The following FRMD4A variants were observed in gnomAD, a reference collection of about 807,000 sequenced individuals.
FRMD4A encodes the protein FERM domain containing 4A, also known as FERM domain-containing protein 4A.
FRMD4A carries 29 observed loss-of-function variants against 129.1 expected under a neutral mutation model. The observed-to-expected ratio is 0.22, with a 90% confidence interval of 0.17 to 0.31. The LOEUF (loss-of-function observed/expected upper bound fraction) is 0.31, where lower values mean the gene tolerates loss of function less well. Among genes scored for constraint, FRMD4A ranks in the 10% least tolerant of loss-of-function variants. The pLI is 1.00. For missense variants in FRMD4A, 1,272 were observed against 1,375.8 expected, an observed-to-expected ratio of 0.92 and a Z score of 1.19; for synonymous variants, 634 against 571.6, an observed-to-expected ratio of 1.11 and a Z score of -1.56.
intron 2 of FRMD4A, among the ~76,000 whole-genome samples, chr10:14,270,965 G>A (rs1483060173): frequency 6.6e-6 from 1 of 152,156 alleles, no homozygotes; most frequent in Non-Finnish European, 1.5e-5. Context: ...TGGTTCTGCA[G>A]GCTGTACAGG....
At chr10:13,688,310 C>T (rs1388076185) in intron 15 of FRMD4A, among the ~76,000 whole-genome samples, 6 of 152,108 alleles carry the variant, frequency 3.9e-5, no homozygotes, top group East Asian at 1.9e-4. Context: ...AACCAAACAC[C>T]GCATGTTCTC....
At position 14,042,859 on chromosome 10, in the gene FRMD4A, G is replaced by C. The variant is rs141804774; in HGVS notation, c.46-183947C>G. Among the ~76,000 whole-genome samples, 145 of 145,904 alleles carry C rather than the reference G, an allele frequency of 9.9e-4. 1 individual carries two copies. The highest frequency in any genetic ancestry group is 3.6e-3 in the African/African-American group (138 of 38,842). On this transcript the variant is annotated intron_variant, in intron 2 of 24. Transcript: ENST00000357447. Reference sequence around the variant, plus strand: ...TGCAAACCTGTAATCCTAGCTACTCGGGACGCTGTAAGCCAAGATCGTACC... The same window carrying C: ...TGCAAACCTGTAATCCTAGCTACTCCGGACGCTGTAAGCCAAGATCGTACC...
chr10:14,246,957 G>A (rs1342681029), intron 2 of FRMD4A, among the ~76,000 whole-genome samples: 1 of 152,096 alleles, frequency 6.6e-6, no homozygotes, highest in Admixed American at 6.6e-5. Flanking sequence ...ACATGGGCAC[G>A]GTTAGAGGGA....
chr10:13,825,741 G>C (rs543577713), intron 3 of FRMD4A, among the ~76,000 whole-genome samples: 3 of 152,290 alleles, frequency 2.0e-5, no homozygotes, highest in Admixed American at 2.0e-4. Flanking sequence ...ACTCAGAATG[G>C]CACCCAATTT....
At chr10:14,124,043 C>T (rs748308530) in intron 2 of FRMD4A, among the ~76,000 whole-genome samples, 29 of 152,180 alleles carry the variant, frequency 1.9e-4, no homozygotes, top group Admixed American at 3.3e-4. Context: ...AGTCCACCAA[C>T]TCACATGAGT....
rs566046541 is a variant in FRMD4A at position 14,065,457 on chromosome 10, A to C, written c.46-206545T>G. Among the ~76,000 whole-genome samples the C allele has an allele frequency of 5.3e-5, 8 of 152,336 alleles. No homozygotes were observed. The South Asian group carries it at 1.7e-3, about 32-fold the overall frequency. ...TGGCCTCCCAAAGTGCTGGGCTTGC[A>C]GATGTGAGCCACCATACCCGGCCCT... On this transcript the variant is annotated intron_variant, in intron 2 of 24. Coordinates refer to ENST00000357447, the MANE Select transcript of FRMD4A (RefSeq NM_018027.5).
At chr10:13,988,424 G>GT (rs2095590179) in intron 2 of FRMD4A, among the ~76,000 whole-genome samples, 1 of 152,196 alleles carries the variant, frequency 6.6e-6, no homozygotes, top group Non-Finnish European at 1.5e-5. Context: ...ATTTCAATGT[G>GT]TTTAGTCCCT....
At chr10:14,196,314 T>TCC (rs749828758) in intron 2 of FRMD4A, among the ~76,000 whole-genome samples, 2 of 152,114 alleles carry the variant, frequency 1.3e-5, no homozygotes, top group Non-Finnish European at 2.9e-5. Context: ...TGACCCACCC[T>TCC]CCAAGGACTG....
rs966761633 is a variant in FRMD4A at position 13,656,811 on chromosome 10, G to A, written c.2778C>T (p.Asp926=). The A allele has an allele frequency of 1.9e-6, 3 of 1,579,760 alleles. No homozygotes were observed. Among genetic ancestry groups the A allele is most frequent in the African/African-American group, 2.8e-5 (2 of 72,446 alleles). ...AACGCTGGTACCACTGGCGCAGCTC[G>A]TCTGAGACGGCGGCACGGCCCGCGC... The part of the protein sequence containing the change: ...DKGAGRAAVS[D]ELRQWYQRST... The change falls in exon 22 of 25, where the codon GAC becomes GAT. Residue 926 remains aspartate, a synonymous_variant. Transcript: ENST00000357447.
In FRMD4A at chr10:14,077,519, C is replaced by T. The variant is rs552379591; in HGVS notation, c.46-218607G>A. Reference sequence around the variant, plus strand: ...TCTGAAACTGTGCCATAACTCTTTACGGTCATTATTATTAGTATTGGCAAA... The same window carrying T: ...TCTGAAACTGTGCCATAACTCTTTATGGTCATTATTATTAGTATTGGCAAA... On this transcript the variant is annotated intron_variant, in intron 2 of 24. Coordinates refer to ENST00000357447, the MANE Select transcript of FRMD4A (RefSeq NM_018027.5). Among the ~76,000 whole-genome samples, 14 of 152,294 alleles carry T rather than the reference C, an allele frequency of 9.2e-5. No individual in the cohort carries two copies. In the South Asian group the frequency reaches 1.2e-3, roughly 14 times the overall value.
chr10:14,250,536 C>T (rs759608324), intron 2 of FRMD4A, among the ~76,000 whole-genome samples: 9 of 152,216 alleles, frequency 5.9e-5, no homozygotes, highest in Non-Finnish European at 1.5e-5. Flanking sequence ...TCTATTACAA[C>T]TGCCCAGGTA....
At chr10:14,258,809 G>C (rs550489537) in intron 2 of FRMD4A, among the ~76,000 whole-genome samples, 79 of 152,154 alleles carry the variant, frequency 5.2e-4, no homozygotes, top group African/African-American at 1.8e-3. Flanking sequence ...AACCATGCAA[G>C]GAAATACTAC....
intron 2 of FRMD4A, among the ~76,000 whole-genome samples, chr10:14,169,450 A>G (rs1841362501): frequency 1.3e-5 from 2 of 152,074 alleles, no homozygotes; most frequent in South Asian, 4.2e-4. Flanking sequence ...CCCTTTTCCT[A>G]TGGTGGATAA....
chr10:13,923,318 T>C (rs1449414160), intron 2 of FRMD4A, among the ~76,000 whole-genome samples: 2 of 152,230 alleles, frequency 1.3e-5, no homozygotes, highest in African/African-American at 2.4e-5. Context: ...ACAAAACCCA[T>C]GACCGTTATG....
intron 22 of FRMD4A, chr10:13,655,873 C>T (rs1054780724): frequency 6.6e-6 from 1 of 152,090 alleles, no homozygotes; most frequent in Non-Finnish European, 1.5e-5. Flanking sequence ...GACCGGAGCA[C>T]GAGGCAACTG....
chr10:13,773,108 T>TA (rs2092504729), intron 6 of FRMD4A, among the ~76,000 whole-genome samples: 1 of 152,160 alleles, frequency 6.6e-6, no homozygotes, highest in East Asian at 1.9e-4. Flanking sequence ...ATTAAAAATT[T>TA]AAAAAACCAA....
At chr10:13,947,873 G>A (rs540190125) in intron 2 of FRMD4A, among the ~76,000 whole-genome samples, 1 of 151,918 alleles carries the variant, frequency 6.6e-6, no homozygotes, top group South Asian at 2.1e-4. Context: ...GCCTGTGCAT[G>A]TCCACTCAAA....
intron 2 of FRMD4A, among the ~76,000 whole-genome samples, chr10:13,900,197 C>A (rs1221926587): frequency 1.3e-5 from 2 of 152,192 alleles, no homozygotes; most frequent in African/African-American, 2.4e-5. Context: ...GGCCTGCGAT[C>A]AAGTACTTAA....
intron 2 of FRMD4A, chr10:13,891,546 A>G: frequency 1.1e-6 from 1 of 943,288 alleles, no homozygotes; most frequent in Non-Finnish European, 1.3e-6. Flanking sequence ...TCCCCGGCCC[A>G]GCGTGAAAAC....
Sources: gnomAD v4.1 joint callset for allele counts (sites outside exome capture counted in the v4.1 genomes callset) on GRCh38, gnomAD v4.1.1 for gene constraint, MANE v1.5 for transcripts, NCBI Gene and HGNC (gene_info 2026-07-23, HGNC 2026-07-21) for gene names.